The following PIEZO2 variants were observed in gnomAD, a reference collection of about 807,000 sequenced individuals.
PIEZO2 encodes piezo-type mechanosensitive ion channel component 2.
Under a neutral mutation model 337.3 loss-of-function variants are expected in PIEZO2, and 172 were observed. That is an observed-to-expected ratio of 0.51 (90% CI 0.45 to 0.58). The LOEUF (loss-of-function observed/expected upper bound fraction) is 0.58, where lower values mean the gene tolerates loss of function less well. PIEZO2 is among the 20% of genes least tolerant of loss of function. The pLI is 0.00. For missense variants in PIEZO2, 3,028 were observed against 3,391.3 expected (o/e 0.89, Z 2.66); for synonymous variants, 1,251 against 1,228.5 (o/e 1.02, Z -0.38).
Position 11,143,490 on chromosome 18 carries a change from G to A in PIEZO2, c.64+5035C>T, listed in dbSNP as rs567836341. Among the ~76,000 whole-genome samples the A allele has an allele frequency of 6.6e-6, 1 of 152,082 alleles. No individual in the cohort carries two copies. Among genetic ancestry groups the A allele is most frequent in the Non-Finnish European group, 1.5e-5 (1 of 68,020 alleles). On this transcript the variant is annotated intron_variant, in intron 1 of 55. Transcript: ENST00000674853. The surrounding 1 kb of genome is among the most constrained non-coding windows in gnomAD (Gnocchi z 4.9). ...AGTATTGATCTAGTGAGAACAATAT[G>A]TAATTGTTCTAAATATTGTTTTTAA...
At chr18:11,039,694 T>C (rs1353268639) in intron 2 of PIEZO2, among the ~76,000 whole-genome samples, 1 of 152,070 alleles carries the variant, frequency 6.6e-6, no homozygotes. Flanking sequence ...ATTATATATG[T>C]CATCCTATTA....
intron 18 of PIEZO2, among the ~76,000 whole-genome samples, chr18:10,777,078 C>T (rs1229380459): frequency 2.6e-5 from 4 of 152,144 alleles, no homozygotes; most frequent in African/African-American, 4.8e-5. Flanking sequence ...ACAGGATTCC[C>T]GGAGAAGCCC....
chr18:10,780,805 G>C (rs1212203422), intron 17 of PIEZO2, among the ~76,000 whole-genome samples: 1 of 151,470 alleles, frequency 6.6e-6, no homozygotes, highest in Non-Finnish European at 1.5e-5. Context: ...TGGGATTACA[G>C]GTGTATGCCA....
rs967442499 is a variant in PIEZO2 at position 11,033,510 on chromosome 18, A to G, written c.160+32617T>C. Among the ~76,000 whole-genome samples the G allele has an allele frequency of 6.6e-6, 1 of 152,238 alleles. No homozygotes were observed. The highest frequency in any genetic ancestry group is 1.5e-5 in the Non-Finnish European group (1 of 68,030). On this transcript the variant is annotated intron_variant, in intron 2 of 55. Transcript: ENST00000674853. This position sits in a 1 kb window ranked among gnomAD's most constrained non-coding sequence, Gnocchi z 4.2. ...AAAGTGACATTTTGCCATGTTTTTT[A>G]CAGAATTGCCTCCAAGACACACTTA...
intron 2 of PIEZO2, among the ~76,000 whole-genome samples, chr18:11,060,380 T>C (rs2037900459): frequency 6.6e-6 from 1 of 152,110 alleles, no homozygotes; most frequent in Non-Finnish European, 1.5e-5. Context: ...ATTCAAAAGC[T>C]AGCAGAAGGC....
In PIEZO2 at chr18:11,146,359, T is replaced by A. The variant is rs543937425; in HGVS notation, c.64+2166A>T. On this transcript the variant is annotated intron_variant, in intron 1 of 55. Coordinates refer to ENST00000674853, the MANE Select transcript of PIEZO2 (RefSeq NM_001378183.1). This position sits in a 1 kb window ranked among gnomAD's most constrained non-coding sequence, Gnocchi z 6.1. ...GGGGCACAAGCCAGCCAGCAGGAGG[T>A]GAACAGTGTGCGGGCACCACAGAAG... 5.3e-5 allele frequency among the ~76,000 whole-genome samples: 8 copies of A among 151,726 alleles called. No homozygotes were observed. In the South Asian group the frequency reaches 1.7e-3, roughly 32 times the overall value.
Position 10,726,803 on chromosome 18 carries a change from G to A in PIEZO2, c.5029+4604C>T, listed in dbSNP as rs1598405766. On this transcript the variant is annotated intron_variant, in intron 36 of 55. Transcript: ENST00000674853. This position sits in a 1 kb window ranked among gnomAD's most constrained non-coding sequence, Gnocchi z 5.9. ...TCCTATGAGGATGTGGACCACCTGCGGCCCCATGGGGTGCTGGATAATACC... is the reference window on the plus strand; with the variant it reads ...TCCTATGAGGATGTGGACCACCTGCAGCCCCATGGGGTGCTGGATAATACC... The A allele has an allele frequency of 1.4e-5, 22 of 1,554,806 alleles. No homozygotes were observed. The highest frequency in any genetic ancestry group is 1.7e-4 in the Middle Eastern group (1 of 5,910).
chr18:11,126,083 AAGT>A lies in PIEZO2; in HGVS notation c.64+22439_64+22441del, dbSNP rs760371422. ...GTACTTACCCTTAGACCTGCATTAC[AAGT>A]AGAACAGCGGGCAGTTCTGTCCATG... is the stretch of plus-strand genomic sequence containing the variant. On this transcript the variant is annotated intron_variant, in intron 1 of 55. Transcript: ENST00000674853. This position sits in a 1 kb window ranked among gnomAD's most constrained non-coding sequence, Gnocchi z 4.6. Among the ~76,000 whole-genome samples, 37 of 152,178 alleles carry A rather than the reference AAGT, an allele frequency of 2.4e-4. No individual in the cohort carries two copies. The highest frequency in any genetic ancestry group is 3.2e-3 in the Middle Eastern group (1 of 314).
intron 7 of PIEZO2, among the ~76,000 whole-genome samples, chr18:10,809,886 C>T (rs1294385578): frequency 6.6e-6 from 1 of 152,164 alleles, no homozygotes; most frequent in African/African-American, 2.4e-5. Context: ...GGGATGGGTA[C>T]TCCTCCTGAC....
chr18:10,697,328 C>T (rs1010475003), intron 45 of PIEZO2, among the ~76,000 whole-genome samples: 1 of 152,162 alleles, frequency 6.6e-6, no homozygotes, highest in African/African-American at 2.4e-5. Flanking sequence ...GTGTAGTGTG[C>T]TGGGTAACAG....
intron 3 of PIEZO2, among the ~76,000 whole-genome samples, chr18:10,920,322 C>A (rs1411871384): frequency 6.6e-6 from 1 of 152,098 alleles, no homozygotes; most frequent in Non-Finnish European, 1.5e-5. Flanking sequence ...AAGCCAACCC[C>A]CACAGCCCAG....
intron 2 of PIEZO2, among the ~76,000 whole-genome samples, chr18:11,004,893 G>A (rs759499708): frequency 2.0e-5 from 3 of 152,226 alleles, no homozygotes; most frequent in Non-Finnish European, 4.4e-5. Flanking sequence ...TTGAGAGCAG[G>A]AGACAAGTGC....
In PIEZO2 at chr18:10,775,779, G is replaced by T. The variant is rs900749614; in HGVS notation, c.2535-1741C>A. ...GGCTGATTTCTAGAAACTTGTAATG[G>T]GACAAGATGCAGCTGCGGACAAATG... On this transcript the variant is annotated intron_variant, in intron 18 of 55. Transcript: ENST00000674853. The surrounding 1 kb of genome is among the most constrained non-coding windows in gnomAD (Gnocchi z 4.3). Among the ~76,000 whole-genome samples the T allele has an allele frequency of 1.3e-5, 2 of 152,074 alleles. No individual in the cohort carries two copies. Among genetic ancestry groups the T allele is most frequent in the African/African-American group, 4.8e-5 (2 of 41,406 alleles).
At chr18:10,967,953 G>C (rs2034080031) in intron 3 of PIEZO2, among the ~76,000 whole-genome samples, 1 of 152,010 alleles carries the variant, frequency 6.6e-6, no homozygotes, top group African/African-American at 2.4e-5. Flanking sequence ...AAGCTTTTTA[G>C]TTTAATTAAG....
At chr18:11,034,299 C>T (rs9953553) in intron 2 of PIEZO2, among the ~76,000 whole-genome samples, 67,265 of 148,664 alleles carry the variant, frequency 0.45, 15,552 homozygotes, top group Non-Finnish European at 0.5. Context: ...CTTTTCTTTT[C>T]TTTTTTTTTT....
At chr18:10,976,629 A>T (rs1371953828) in intron 3 of PIEZO2, among the ~76,000 whole-genome samples, 1 of 152,206 alleles carries the variant, frequency 6.6e-6, no homozygotes, top group East Asian at 1.9e-4. Context: ...GGGATAGCAA[A>T]AAAAAGGAAA....
At chr18:10,999,952 T>C (rs1598807098) in intron 2 of PIEZO2, among the ~76,000 whole-genome samples, 1 of 152,182 alleles carries the variant, frequency 6.6e-6, no homozygotes, top group African/African-American at 2.4e-5. Flanking sequence ...GTACATGAAG[T>C]TGCTAATACC....
chr18:11,024,549 A>C (rs2036457922), intron 2 of PIEZO2, among the ~76,000 whole-genome samples: 1 of 40,036 alleles, frequency 2.5e-5, no homozygotes, highest in Admixed American at 2.0e-4. Flanking sequence ...CTGTCTCAGA[A>C]AAAAAAAAAA....
At chr18:11,071,597 A>T (rs78764777) in intron 1 of PIEZO2, among the ~76,000 whole-genome samples, 4,659 of 152,286 alleles carry the variant, frequency 0.031, 103 homozygotes, top group South Asian at 0.1. Flanking sequence ...GTCCAGCCAG[A>T]GAAGGGAAGG....
Sources: allele counts gnomAD v4.1 joint callset (sites outside exome capture counted in the v4.1 genomes callset), GRCh38; gene constraint gnomAD v4.1.1; non-coding constraint Gnocchi (gnomAD v3.1); transcripts MANE v1.5; gene names NCBI Gene and HGNC (gene_info 2026-07-23, HGNC 2026-07-21).